The following ACTG1 variants were observed in gnomAD, a reference collection of about 807,000 sequenced individuals.
ACTG1 encodes the protein actin, cytoplasmic 2.
ACTG1 carries 14 observed loss-of-function variants against 34.3 expected under a neutral mutation model. The ratio of observed to expected loss-of-function variants is 0.41; its 90% confidence interval spans 0.27 to 0.64. ACTG1 has a LOEUF of 0.64. Ranked by LOEUF, ACTG1 falls within the 30% of genes least tolerant of loss-of-function variation. The pLI, the probability that ACTG1 is intolerant of heterozygous loss-of-function variation, is 0.33. For synonymous variants in ACTG1, 422 were observed against 213.9 expected (o/e 1.97, Z -8.49); for missense variants, 233 against 529.5 (o/e 0.44, Z 5.50).
rs1139409 is a variant in ACTG1 at position 81,510,165 on chromosome 17, G to A, written c.*525C>T. 9,641 of 504,588 alleles carry A rather than the reference G, an allele frequency of 0.019. 196 individuals carry two copies. The highest frequency in any genetic ancestry group is 0.055 in the South Asian group (3,611 of 65,326). 31.3% of individuals were successfully genotyped at this position (504,588 alleles called of 1,614,324 possible). A position where few individuals can be genotyped will look rare whatever the true frequency, so the allele number is the denominator to read the frequency against. On this transcript the variant is annotated 3_prime_UTR_variant, in exon 6 of 6. Coordinates refer to ENST00000573283, the MANE Select transcript of ACTG1 (RefSeq NM_001614.5). Reference sequence around the variant, plus strand: ...AAATGCAAACCGCTTCCAACTCAAAGCAAGTAACAGCCCACGGTGTTCTGG... The same window carrying A: ...AAATGCAAACCGCTTCCAACTCAAAACAAGTAACAGCCCACGGTGTTCTGG...
Position 81,512,222 on chromosome 17 carries a change from A to T in ACTG1, c.123+10T>A. On this transcript the variant is annotated intron_variant, in intron 2 of 5. Coordinates refer to ENST00000573283, the MANE Select transcript of ACTG1 (RefSeq NM_001614.5). ...CAGAACCCAGGAGCCCCGCGGCGCC[A>T]TCCACTCACCTGGTGTCTGGGGCGC... 6.2e-7 allele frequency: 1 copy of T among 1,613,272 alleles called. No individual in the cohort carries two copies. Among genetic ancestry groups the T allele is most frequent in the Non-Finnish European group, 8.5e-7 (1 of 1,179,878 alleles).
In ACTG1 at chr17:81,511,160, G is replaced by A. The variant is rs367545507; in HGVS notation, c.802+28C>T. On this transcript the variant is annotated intron_variant, in intron 4 of 5. Transcript: ENST00000573283. The stretch of plus-strand genomic sequence containing the variant: ...ATGCTGTGTCACCGAGGATGTAAGA[G>A]TAGAAACCTTTAGCTCACAACACCT... The A allele has an allele frequency of 2.9e-5, 47 of 1,613,762 alleles. No individual in the cohort carries two copies. The East Asian group carries it at 4.2e-4, about 15-fold the overall frequency.
chr17:81,511,516 C>G lies in ACTG1; in HGVS notation c.474G>C (p.Gly158=). 1 of 1,613,828 alleles carries G rather than the reference C, an allele frequency of 6.2e-7. No individual in the cohort carries two copies. Among genetic ancestry groups the G allele is most frequent in the Non-Finnish European group, 8.5e-7 (1 of 1,180,038 alleles). The change falls in exon 4 of 6, where the codon GGG becomes GGC. Residue 158 remains glycine, a synonymous_variant. Coordinates refer to ENST00000573283, the MANE Select transcript of ACTG1 (RefSeq NM_001614.5). ...CGTAGATGGGCACCGTGTGGGTGACCCCGTCTCCAGAGTCCATGACAATGC... is the reference window on the plus strand; with the variant it reads ...CGTAGATGGGCACCGTGTGGGTGACGCCGTCTCCAGAGTCCATGACAATGC... ...TTGIVMDSGD[G]VTHTVPIYEG... is the part of the protein sequence containing the mutation.
At position 81,510,226 on chromosome 17, in the gene ACTG1, A is replaced by G. The variant is rs1555666067; in HGVS notation, c.*464T>C. The G allele has an allele frequency of 9.8e-6, 5 of 509,234 alleles. No homozygotes were observed. The highest frequency in any genetic ancestry group is 1.4e-5 in the Non-Finnish European group (4 of 280,104). The allele number at this position is 509,234 out of a possible 1,614,324, so 31.5% of individuals were successfully genotyped here. A position where few individuals can be genotyped will look rare whatever the true frequency, so the allele number is the denominator to read the frequency against. ...CAGCTAAGAAAGGAAACTGGGTCCT[A>G]CGGCTTGGACTTTCCAACCCTGACA... On this transcript the variant is annotated 3_prime_UTR_variant, in exon 6 of 6. Coordinates refer to ENST00000573283, the MANE Select transcript of ACTG1 (RefSeq NM_001614.5).
chr17:81,512,455 TG>T, intron 1 of ACTG1, 95 bp from the exon 2 acceptor site: 8 of 1,599,568 alleles, frequency 5.0e-6, no homozygotes, highest in Non-Finnish European at 6.8e-6. Context: ...GCCTCGGCCC[TG>T]CCCCAACCCC....
At position 81,511,872 on chromosome 17, in the gene ACTG1, G is replaced by C. The variant is rs199979742; in HGVS notation, c.363+31C>G. The C allele has an allele frequency of 3.4e-4, 552 of 1,613,776 alleles. 9 individuals carry two copies. In the South Asian group the frequency reaches 4.9e-3, roughly 14 times the overall value. On this transcript the variant is annotated intron_variant, in intron 3 of 5. Transcript: ENST00000573283. The stretch of plus-strand genomic sequence containing the variant: ...GGCAGAAAATGACTGGGGAAAGGAC[G>C]GGAGGAGCACGGGCGTCGGCCGAGC...
In ACTG1 at chr17:81,511,173, G is replaced by C. The variant is rs368126141; in HGVS notation, c.802+15C>G. ...GAGGATGTAAGAGTAGAAACCTTTAGCTCACAACACCTACCCAGGAAGGAA... is the reference window on the plus strand; with the variant it reads ...GAGGATGTAAGAGTAGAAACCTTTACCTCACAACACCTACCCAGGAAGGAA... On this transcript the variant is annotated intron_variant, in intron 4 of 5. Coordinates refer to ENST00000573283, the MANE Select transcript of ACTG1 (RefSeq NM_001614.5). The C allele has an allele frequency of 3.7e-6, 6 of 1,613,706 alleles. No homozygotes were observed. The highest frequency in any genetic ancestry group is 2.2e-5 in the East Asian group (1 of 44,886).
In ACTG1 at chr17:81,511,948, G is replaced by A. The variant is rs372370199; in HGVS notation, c.318C>T (p.Thr106=). 4.1e-5 allele frequency: 66 copies of A among 1,614,072 alleles called. 1 individual carries two copies. In the South Asian group the frequency reaches 5.5e-4, roughly 13 times the overall value. ...TGGCCTTGGGGTTCAGGGGGGCCTC[G>A]GTCAGCAGCACTGGGTGCTCCTCCG... ...VAPEEHPVLL[T]EAPLNPKANR... The change falls in exon 3 of 6, where the codon ACC becomes ACT. Residue 106 remains threonine, a synonymous_variant. Transcript: ENST00000573283.
At chr17:81,512,699 G>A (rs1555667506) in intron 1 of ACTG1, 35 bp downstream of exon 1, 2 of 408,440 alleles carry the variant, frequency 4.9e-6, no homozygotes, top group African/African-American at 2.2e-5. Flanking sequence ...GCAGGCCTGC[G>A]ACGTCCAGCT....
At chr17:81,511,829 A>T (rs781824887) in intron 3 of ACTG1, 74 bp downstream of exon 3, 24 of 1,607,670 alleles carry the variant, frequency 1.5e-5, no homozygotes, top group Non-Finnish European at 2.0e-5. Context: ...AAACACTTAA[A>T]TGTCAGAAAT....
intron 3 of ACTG1, 79 bp from the exon 4 acceptor site, chr17:81,511,705 A>G (rs2031792440): frequency 2.0e-6 from 3 of 1,534,196 alleles, no homozygotes; most frequent in Non-Finnish European, 8.9e-7. Context: ...AACATGCTGC[A>G]TGCCAGTGTG....
chr17:81,510,491 T>C lies in ACTG1; in HGVS notation c.*199A>G, dbSNP rs188302477. 1 of 754,768 alleles carries C rather than the reference T, an allele frequency of 1.3e-6. No individual in the cohort carries two copies. Among genetic ancestry groups the C allele is most frequent in the Non-Finnish European group, 2.3e-6 (1 of 432,442 alleles). The allele number at this position is 754,768 out of a possible 1,614,324, so 46.8% of individuals were successfully genotyped here. On this transcript the variant is annotated 3_prime_UTR_variant, in exon 6 of 6. Coordinates refer to ENST00000573283, the MANE Select transcript of ACTG1 (RefSeq NM_001614.5). ...ATTAAACAAATACCAAGGGGAACAG[T>C]TAACTTCAATACAAGGTCAAAATCA... is the stretch of plus-strand genomic sequence containing the variant.
At position 81,510,424 on chromosome 17, in the gene ACTG1, GC is replaced by G. The variant is rs1277166570; in HGVS notation, c.*265del. 1 of 582,686 alleles carries G rather than the reference GC, an allele frequency of 1.7e-6. No homozygotes were observed. The highest frequency in any genetic ancestry group is 3.2e-6 in the Non-Finnish European group (1 of 316,724). The allele number at this position is 582,686 out of a possible 1,614,324, so 36.1% of individuals were successfully genotyped here. ...CTTACCTTAGCCACGAAGTGACCAA[GC>G]CACACGTACTAAAGGTTGAACTCAA... On this transcript the variant is annotated 3_prime_UTR_variant, in exon 6 of 6. Coordinates refer to ENST00000573283, the MANE Select transcript of ACTG1 (RefSeq NM_001614.5).
intron 1 of ACTG1, 44 bp from the exon 2 acceptor site, chr17:81,512,404 G>T: frequency 6.2e-7 from 1 of 1,613,476 alleles, no homozygotes. Context: ...TCTGTAACAC[G>T]GTCCCCTCCC....
At chr17:81,512,437 G>C in intron 1 of ACTG1, 77 bp from the exon 2 acceptor site, 6 of 1,611,124 alleles carry the variant, frequency 3.7e-6, no homozygotes, top group South Asian at 3.3e-5. Flanking sequence ...ATGCCCTCCC[G>C]CGGGGAAGCC....
Position 81,510,240 on chromosome 17 carries a change from C to G in ACTG1, c.*450G>C, listed in dbSNP as rs1199187360. The G allele has an allele frequency of 3.7e-6, 2 of 534,582 alleles. No individual in the cohort carries two copies. Among genetic ancestry groups the G allele is most frequent in the African/African-American group, 2.0e-5 (1 of 50,748 alleles). The allele number at this position is 534,582 out of a possible 1,614,324, so 33.1% of individuals were successfully genotyped here. A position where few individuals can be genotyped will look rare whatever the true frequency, so the allele number is the denominator to read the frequency against. ...AACTGGGTCCTACGGCTTGGACTTT[C>G]CAACCCTGACAGACCCGCAAGACAA... On this transcript the variant is annotated 3_prime_UTR_variant, in exon 6 of 6. Transcript: ENST00000573283.
rs1139408 is a variant in ACTG1, at chr17:81,510,320, C to T, written c.*370G>A. The T allele has an allele frequency of 0.025, 10,993 of 447,758 alleles. 300 individuals carry two copies. The highest frequency in any genetic ancestry group is 0.098 in the African/African-American group (4,824 of 48,998). The allele number at this position is 447,758 out of a possible 1,614,324, so 27.7% of individuals were successfully genotyped here. On this transcript the variant is annotated 3_prime_UTR_variant, in exon 6 of 6. Transcript: ENST00000573283. The stretch of plus-strand genomic sequence containing the variant: ...AATCCCAGAACACTCAGCCCTGACA[C>T]GTTAATACCCTGCACAGATCAGAGG...
At chr17:81,511,787 C>T (rs1267041378) in intron 3 of ACTG1, 116 bp downstream of exon 3, 18 of 1,570,890 alleles carry the variant, frequency 1.1e-5, no homozygotes, top group Non-Finnish European at 1.4e-5. Flanking sequence ...GAGGAAATGC[C>T]GGGAGAGGAA....
Position 81,512,340 on chromosome 17 carries a change from G to A in ACTG1, c.15C>T (p.Ile5=), listed in dbSNP as rs199657153. The A allele has an allele frequency of 6.7e-4, 1,088 of 1,613,958 alleles. 23 individuals are homozygous for A. In the South Asian group the frequency reaches 0.011, roughly 16 times the overall value. The change falls in exon 2 of 6, where the codon ATC becomes ATT. Residue 5 remains isoleucine, a synonymous_variant. Transcript: ENST00000573283. The part of the protein sequence containing the change: MEEE[I]AALVIDNGSG... ...AGCCATTGTCAATGACCAGCGCGGC[G>A]ATCTCTTCTTCCATTGCGACCTGCC...
Sources: gnomAD v4.1 joint callset for allele counts on GRCh38, gnomAD v4.1.1 for gene constraint, MANE v1.5 for transcripts, NCBI Gene and HGNC (gene_info 2026-07-23, HGNC 2026-07-21) for gene names.